The following GIPR variants were observed in gnomAD, a reference collection of about 807,000 sequenced individuals.
GIPR encodes GIP-R.
A neutral mutation model predicts 62.2 loss-of-function variants in GIPR; 74 were observed. That is an observed-to-expected ratio of 1.19 (90% CI 0.99 to 1.44). GIPR has a LOEUF of 1.44. GIPR is among the 40% of genes most tolerant of loss of function. The pLI is 0.00. For missense variants in GIPR, 664 were observed against 611.8 expected (o/e 1.09, Z -0.90); for synonymous variants, 256 against 262.2 (o/e 0.98, Z 0.23).
chr19:45,675,307 T>G (rs1975782162), intron 7 of GIPR: 1 of 173,668 alleles, frequency 5.8e-6, no homozygotes, highest in African/African-American at 2.4e-5. Context: ...CCAGGCACAG[T>G]GGCTCACATC....
At position 45,669,608 on chromosome 19, in the gene GIPR, G is replaced by A. The variant is rs770450183; in HGVS notation, c.72+16G>A. 2.5e-6 allele frequency: 4 copies of A among 1,569,340 alleles called. No individual in the cohort carries two copies. Among genetic ancestry groups the A allele is most frequent in the African/African-American group, 1.3e-5 (1 of 74,380 alleles). ...GAGGGCGGAGGTGAGGAAGCGAGGAGCCAGAGGAGCTCCAGGCTTGGAGGG... is the reference window on the plus strand; with the variant it reads ...GAGGGCGGAGGTGAGGAAGCGAGGAACCAGAGGAGCTCCAGGCTTGGAGGG... On this transcript the variant is annotated intron_variant, in intron 2 of 13. Transcript: ENST00000590918.
rs76679856 is a variant in GIPR, at chr19:45,670,409, C to T, written c.73-226C>T. The T allele has an allele frequency of 8.3e-4, 377 of 453,182 alleles. 1 individual carries two copies. The highest frequency in any genetic ancestry group is 1.1e-3 in the Non-Finnish European group (275 of 251,246). The allele number at this position is 453,182 out of a possible 1,614,324, so 28.1% of individuals were successfully genotyped here. On this transcript the variant is annotated intron_variant, in intron 2 of 13. Transcript: ENST00000590918. ...TCCTCCTGATAATTTCCAGCCACCC[C>T]CTCCCCAATTTTCTTGAAGGTTTTC...
rs767107879 is a variant in GIPR, at chr19:45,671,353, C to T, written c.241C>T (p.Arg81Cys). The T allele has an allele frequency of 1.2e-6, 2 of 1,612,228 alleles. No homozygotes were observed. The highest frequency in any genetic ancestry group is 1.7e-6 in the Non-Finnish European group (2 of 1,179,572). Residue 81 changes from arginine to cysteine, a missense_variant, in exon 4 of 14, where the codon CGT becomes TGT. Transcript: ENST00000590918. ...CTATGCTGCACCCAATGCCACTGCC[C>T]GTGCGTCCTGCCCCTGGTACCTGCC... ...WDYAAPNATARASCPWYLPWH... is the reference protein window; with the variant it reads ...WDYAAPNATACASCPWYLPWH...
chr19:45,669,429 G>A, intron 1 of GIPR, 48 bp from the exon 2 acceptor site: 2 of 1,519,896 alleles, frequency 1.3e-6, no homozygotes, highest in Non-Finnish European at 1.8e-6. Context: ...TGACGCTGGG[G>A]TTGGAGTAGG....
Position 45,677,769 on chromosome 19 carries a change from T to G in GIPR, c.914T>G (p.Met305Arg). The change falls in exon 10 of 14, where the codon ATG becomes AGG. Residue 305 changes from methionine (M) to arginine (R), a missense_variant. By Grantham distance (91) the Met-to-Arg change is moderately conservative. Transcript: ENST00000590918. ...IWWIIRTPIL[M>R]TILINFLIFI... is the part of the protein sequence containing the mutation. ...TGGATTATACGGACCCCCATCCTCA[T>G]GACCATCTTGGTAGGATCGGTCCCG... 6.2e-7 allele frequency: 1 copy of G among 1,613,138 alleles called. No homozygotes were observed. Among genetic ancestry groups the G allele is most frequent in the South Asian group, 1.1e-5 (1 of 91,070 alleles).
At chr19:45,674,981 C>A in intron 7 of GIPR, 155 bp downstream of exon 7, 3 of 708,896 alleles carry the variant, frequency 4.2e-6, no homozygotes, top group Non-Finnish European at 7.5e-6. Flanking sequence ...GGGATCAAGA[C>A]ACATTTGGAG....
intron 7 of GIPR, 76 bp downstream of exon 7, chr19:45,674,902 C>G: frequency 7.3e-7 from 1 of 1,365,610 alleles, no homozygotes; most frequent in South Asian, 1.2e-5. Flanking sequence ...CAGTCCATTT[C>G]CTATCTCCTA....
rs772505609 is a variant in GIPR at position 45,677,308 on chromosome 19, T to G, written c.794-15T>G. ...GCTGCGGCGGGGTGGGGGGGCGGGG[T>G]CGGGGTCTGCACAGGGGCCCCCGCG... On this transcript the variant is annotated splice_polypyrimidine_tract_variant and intron_variant, in intron 8 of 13. Coordinates refer to ENST00000590918, the MANE Select transcript of GIPR (RefSeq NM_000164.4). The G allele has an allele frequency of 4.9e-5, 68 of 1,393,450 alleles. 1 individual carries two copies. The highest frequency in any genetic ancestry group is 2.5e-4 in the South Asian group (20 of 79,456). 86.3% of individuals were successfully genotyped at this position (1,393,450 alleles called of 1,614,324 possible).
At position 45,677,448 on chromosome 19, in the gene GIPR, T is replaced by G. The variant is rs1967008562; in HGVS notation, c.854+65T>G. 12 of 1,164,654 alleles carry G rather than the reference T, an allele frequency of 1.0e-5. No individual in the cohort carries two copies. The South Asian group carries it at 1.4e-4, about 14-fold the overall frequency. 72.1% of individuals were successfully genotyped at this position (1,164,654 alleles called of 1,614,324 possible). A position where few individuals can be genotyped will look rare whatever the true frequency, so the allele number is the denominator to read the frequency against. ...GGGGCTTTGAGGGACTGTGGCGGGT[T>G]GTGATGGACATGTGGGCAGGGTCGG... On this transcript the variant is annotated intron_variant, in intron 9 of 13. Transcript: ENST00000590918.
At chr19:45,674,647 C>T in intron 6 of GIPR, 35 bp from the exon 7 acceptor site, 1 of 1,611,206 alleles carries the variant, frequency 6.2e-7, no homozygotes, top group Non-Finnish European at 8.5e-7. Flanking sequence ...GACAGCTCTC[C>T]AGGGGCCCCC....
intron 12 of GIPR, chr19:45,678,456 C>T (rs939015194): frequency 5.2e-6 from 3 of 582,058 alleles, no homozygotes; most frequent in Non-Finnish European, 6.1e-6. Flanking sequence ...CTCTGACTCC[C>T]GGGTTCAAGC....
chr19:45,676,099 A>G (rs781765977), intron 7 of GIPR, among the ~76,000 whole-genome samples: 2 of 150,936 alleles, frequency 1.3e-5, no homozygotes, highest in African/African-American at 4.9e-5. Context: ...GCTACTCAGG[A>G]GGCTGAGGTA....
rs930420874 is a variant in GIPR at position 45,682,277 on chromosome 19, G to T, written c.*342G>T. Reference sequence around the variant, plus strand: ...ATTCTAGGCGGAAGCGATAGCATAGGCAAAGGCCCTTGGGCAGGAAGGCGC... The same window carrying T: ...ATTCTAGGCGGAAGCGATAGCATAGTCAAAGGCCCTTGGGCAGGAAGGCGC... On this transcript the variant is annotated 3_prime_UTR_variant, in exon 14 of 14. Transcript: ENST00000590918. 3.3e-6 allele frequency: 1 copy of T among 300,622 alleles called. No individual in the cohort carries two copies. The highest frequency in any genetic ancestry group is 4.0e-5 in the South Asian group (1 of 24,978). The allele number at this position is 300,622 out of a possible 1,614,324, so 18.6% of individuals were successfully genotyped here. A position where few individuals can be genotyped will look rare whatever the true frequency, so the allele number is the denominator to read the frequency against.
intron 5 of GIPR, among the ~76,000 whole-genome samples, chr19:45,673,394 T>C (rs1302480317): frequency 1.6e-5 from 2 of 127,082 alleles, no homozygotes; most frequent in Admixed American, 1.1e-4. Flanking sequence ...CACTCCAGCC[T>C]GAGTAACAGA....
At chr19:45,677,417 G>A in intron 9 of GIPR, 34 bp downstream of exon 9, 6 of 1,355,778 alleles carry the variant, frequency 4.4e-6, no homozygotes, top group Non-Finnish European at 5.3e-6. Flanking sequence ...GGCGTGGGAG[G>A]TGGGCGGGGC....
rs778330895 is a variant in GIPR, at chr19:45,671,366, C to T, written c.254C>T (p.Pro85Leu). The T allele has an allele frequency of 1.2e-5, 20 of 1,610,422 alleles. No homozygotes were observed. The highest frequency in any genetic ancestry group is 1.6e-4 in the Middle Eastern group (1 of 6,082). ...APNATARASC[P>L]WYLPWHHHVA... ...AATGCCACTGCCCGTGCGTCCTGCC[C>T]CTGGTACCTGCCCTGGCACCACCAT... The change falls in exon 4 of 14, where the codon CCC becomes CTC. Residue 85 changes from proline to leucine, a missense_variant. By Grantham distance (98) the Pro-to-Leu change is moderately conservative. Coordinates refer to ENST00000590918, the MANE Select transcript of GIPR (RefSeq NM_000164.4).
intron 2 of GIPR, 150 bp from the exon 3 acceptor site, chr19:45,670,485 A>T: frequency 1.7e-6 from 1 of 576,294 alleles, no homozygotes; most frequent in African/African-American, 1.9e-5. Flanking sequence ...CCACCCCAAG[A>T]CTTGGAACTG....
At chr19:45,676,286 G>A (rs1456675151) in intron 7 of GIPR, among the ~76,000 whole-genome samples, 1 of 151,942 alleles carries the variant, frequency 6.6e-6, no homozygotes, top group Non-Finnish European at 1.5e-5. Context: ...TTCTTAGAAG[G>A]AGCTGGGGTG....
chr19:45,674,624 CTG>C (rs1975734305), intron 6 of GIPR, 56 bp from the exon 7 acceptor site: 2 of 1,537,968 alleles, frequency 1.3e-6, no homozygotes, highest in African/African-American at 2.7e-5. Flanking sequence ...AAATAGAACT[CTG>C]TGTGGCTGAG....
Sources: allele counts gnomAD v4.1 joint callset (sites outside exome capture counted in the v4.1 genomes callset), GRCh38; gene constraint gnomAD v4.1.1; transcripts MANE v1.5; gene names NCBI Gene and HGNC (gene_info 2026-07-23, HGNC 2026-07-21).